CCDC102B: variants seen among roughly 807,000 people sequenced by gnomAD.
The protein encoded by CCDC102B is coiled-coil domain-containing protein 102B.
A neutral mutation model predicts 57.4 loss-of-function variants in CCDC102B; 75 were observed. That is an observed-to-expected ratio of 1.31 (90% CI 1.08 to 1.58). The LOEUF is 1.58. CCDC102B is among the 40% of genes most tolerant of loss of function. CCDC102B has a pLI of 0.00. For missense variants in CCDC102B, 636 were observed against 582.6 expected (o/e 1.09, Z -0.94); for synonymous variants, 206 against 201.9 (o/e 1.02, Z -0.17).
At chr18:68,742,591 G>T (rs1026782161) in intron 2 of CCDC102B, among the ~76,000 whole-genome samples, 1 of 152,178 alleles carries the variant, frequency 6.6e-6, no homozygotes. Flanking sequence ...TAATTTATCC[G>T]TACTGTAAAT....
intron 5 of CCDC102B, among the ~76,000 whole-genome samples, chr18:68,885,976 T>C (rs1381665970): frequency 6.6e-6 from 1 of 151,916 alleles, no homozygotes; most frequent in East Asian, 1.9e-4. Context: ...ATGAGGCACT[T>C]CATAACTTCA....
intron 4 of CCDC102B, among the ~76,000 whole-genome samples, chr18:68,869,065 A>G (rs1003765957): frequency 6.1e-5 from 9 of 146,342 alleles, no homozygotes; most frequent in South Asian, 2.1e-4. Context: ...CCAGGTGGCC[A>G]TTCACCAAGA....
chr18:68,808,542 A>G (rs1219267617), intron 1 of CCDC102B, among the ~76,000 whole-genome samples: 1 of 126,388 alleles, frequency 7.9e-6, no homozygotes, highest in Non-Finnish European at 1.5e-5. Flanking sequence ...CAGTGGCGCT[A>G]TCTCCGCTCA....
In CCDC102B at chr18:68,924,274, C is replaced by G. The variant is rs1236123212; in HGVS notation, c.1263+26846C>G. On this transcript the variant is annotated intron_variant, in intron 6 of 7. Coordinates refer to ENST00000360242, the MANE Select transcript of CCDC102B (RefSeq NM_024781.3). ...ATAATCCCATGTGTCAAGGGAGAAA[C>G]CAGGTGGAGGTAATTGAATCATGAG... Among the ~76,000 whole-genome samples the G allele has an allele frequency of 2.0e-5, 3 of 152,088 alleles. No homozygotes were observed. The East Asian group carries it at 5.8e-4, about 30-fold the overall frequency.
intron 1 of CCDC102B, among the ~76,000 whole-genome samples, chr18:68,832,794 G>A (rs578241428): frequency 6.6e-6 from 1 of 152,090 alleles, no homozygotes; most frequent in South Asian, 2.1e-4. Flanking sequence ...TGGGGAGCGT[G>A]CTCCTGCAGA....
At chr18:69,022,304 CAT>C (rs1317560916) in intron 7 of CCDC102B, among the ~76,000 whole-genome samples, 1 of 150,510 alleles carries the variant, frequency 6.6e-6, no homozygotes, top group East Asian at 2.0e-4. Flanking sequence ...CACACACACA[CAT>C]ATATATGGGC....
chr18:68,891,681 G>A (rs2040083990), intron 5 of CCDC102B, among the ~76,000 whole-genome samples: 1 of 152,182 alleles, frequency 6.6e-6, no homozygotes, highest in African/African-American at 2.4e-5. Context: ...GCTTGTAGAT[G>A]GTTGCCTTCT....
chr18:68,758,195 C>CAT (rs3051944), intron 2 of CCDC102B, among the ~76,000 whole-genome samples: 78,595 of 151,144 alleles, frequency 0.52, 20,890 homozygotes, highest in East Asian at 0.9. Context: ...TACATGTAGA[C>CAT]ATGTGTGTTG....
intron 6 of CCDC102B, among the ~76,000 whole-genome samples, chr18:68,961,390 AG>A (rs1184287256): frequency 2.0e-5 from 3 of 152,052 alleles, no homozygotes; most frequent in African/African-American, 7.2e-5. Flanking sequence ...AATCAAAACT[AG>A]ATATAGGATT....
intron 6 of CCDC102B, among the ~76,000 whole-genome samples, chr18:68,952,260 A>G (rs1157728942): frequency 6.6e-6 from 1 of 152,008 alleles, no homozygotes; most frequent in African/African-American, 2.4e-5. Context: ...GACAAATTGT[A>G]TACCCCTCTT....
chr18:68,910,809 G>A lies in CCDC102B; in HGVS notation c.1263+13381G>A, dbSNP rs965446963. On this transcript the variant is annotated intron_variant, in intron 6 of 7. Coordinates refer to ENST00000360242, the MANE Select transcript of CCDC102B (RefSeq NM_024781.3). ...AAATCTTTCTTCTTTAGGCATTACA[G>A]TCTTTCTCAGCCAGGATGAAAGCTG... Among the ~76,000 whole-genome samples the A allele has an allele frequency of 3.9e-5, 6 of 152,150 alleles. No individual in the cohort carries two copies. In the East Asian group the frequency reaches 1.2e-3, roughly 29 times the overall value.
intron 2 of CCDC102B, among the ~76,000 whole-genome samples, chr18:68,787,929 A>G (rs1237931491): frequency 2.2e-4 from 33 of 150,282 alleles, no homozygotes; most frequent in African/African-American, 7.1e-4. Context: ...TTAGGGTGTC[A>G]ATTTTGGATC....
intron 7 of CCDC102B, among the ~76,000 whole-genome samples, chr18:69,022,451 C>T (rs910792245): frequency 3.3e-5 from 5 of 151,710 alleles, no homozygotes; most frequent in East Asian, 1.9e-4. Context: ...CATTAATTTA[C>T]GAGTAGGTAT....
At chr18:68,938,109 C>A (rs1303537407) in intron 6 of CCDC102B, among the ~76,000 whole-genome samples, 1 of 151,894 alleles carries the variant, frequency 6.6e-6, no homozygotes, top group Non-Finnish European at 1.5e-5. Context: ...TCAACTCAGA[C>A]CTTATTAAGT....
intron 6 of CCDC102B, among the ~76,000 whole-genome samples, chr18:68,911,707 G>GC (rs1371077133): frequency 8.4e-6 from 1 of 118,350 alleles, no homozygotes; most frequent in Non-Finnish European, 1.6e-5. Context: ...AGCCGAGATC[G>GC]CGCCACTGCA....
At chr18:68,812,921 TG>T (rs972158452) in intron 1 of CCDC102B, among the ~76,000 whole-genome samples, 1 of 152,028 alleles carries the variant, frequency 6.6e-6, no homozygotes, top group Non-Finnish European at 1.5e-5. Flanking sequence ...AACCTGGAGA[TG>T]GAGAGAAGAT....
chr18:68,853,725 A>G, intron 4 of CCDC102B, among the ~76,000 whole-genome samples: 1 of 145,058 alleles, frequency 6.9e-6, no homozygotes, highest in South Asian at 2.2e-4. Context: ...AAACCTTTAT[A>G]TATGGTCCTC....
chr18:68,981,887 A>G (rs879691549), intron 6 of CCDC102B, among the ~76,000 whole-genome samples: 14 of 151,986 alleles, frequency 9.2e-5, no homozygotes, highest in Non-Finnish European at 1.9e-4. Flanking sequence ...GATGGTTTCC[A>G]AGTTCCTCCA....
intron 6 of CCDC102B, among the ~76,000 whole-genome samples, chr18:68,950,031 C>T (rs893241420): frequency 2.0e-5 from 3 of 152,054 alleles, no homozygotes; most frequent in African/African-American, 7.2e-5. Flanking sequence ...TTCATATTTA[C>T]ATGAATCTGT....
Sources: allele counts gnomAD v4.1 joint callset (sites outside exome capture counted in the v4.1 genomes callset), GRCh38; gene constraint gnomAD v4.1.1; transcripts MANE v1.5; gene names NCBI Gene and HGNC (gene_info 2026-07-23, HGNC 2026-07-21).